The following KMT2C variants were observed in gnomAD, a reference collection of about 807,000 sequenced individuals.
KMT2C encodes the protein lysine methyltransferase 2C.
Under a neutral mutation model 507.9 loss-of-function variants are expected in KMT2C, and 88 were observed. The observed-to-expected ratio is 0.17, with a 90% CI of 0.15 to 0.21. KMT2C has a LOEUF of 0.21. Ranked by LOEUF, KMT2C falls within the 10% of genes least tolerant of loss-of-function variation. The pLI, the probability that KMT2C is intolerant of heterozygous loss-of-function variation, is 1.00. For missense variants in KMT2C, 4,954 were observed against 5,957.8 expected (o/e 0.83, Z 5.55); for synonymous variants, 2,049 against 2,080.8 (o/e 0.98, Z 0.42).
Position 152,288,554 on chromosome 7 carries a change from A to AT in KMT2C, c.850-14688dup, listed in dbSNP as rs1009463664. ...ACAATAAATAAATAAATAAATAAAT[A>AT]TTTTTTTTTTAAAAAAGACATTAAA... On this transcript the variant is annotated intron_variant, in intron 6 of 58. Transcript: ENST00000262189. Among the ~76,000 whole-genome samples the AT allele has an allele frequency of 1.0e-3, 152 of 150,266 alleles. 1 individual carries two copies. The highest frequency in any genetic ancestry group is 7.3e-3 in the South Asian group (35 of 4,778).
At chr7:152,237,593 G>C (rs368967149) in intron 15 of KMT2C, among the ~76,000 whole-genome samples, 1 of 152,268 alleles carries the variant, frequency 6.6e-6, no homozygotes, top group Admixed American at 6.5e-5. Flanking sequence ...CGTCTCCTGG[G>C]TTCCAGCAAT....
At chr7:152,214,516 A>G (rs941863385) in intron 23 of KMT2C, among the ~76,000 whole-genome samples, 3 of 152,186 alleles carry the variant, frequency 2.0e-5, no homozygotes, top group Admixed American at 2.0e-4. Context: ...GCATAATGCA[A>G]AATGAAAAAA....
chr7:152,312,738 TTAAA>T (rs1343250874), intron 4 of KMT2C, among the ~76,000 whole-genome samples: 6 of 152,228 alleles, frequency 3.9e-5, no homozygotes, highest in African/African-American at 1.2e-4. Flanking sequence ...TTTAAGACCA[TTAAA>T]TAAATAAAAA....
intron 1 of KMT2C, among the ~76,000 whole-genome samples, chr7:152,394,728 CT>C (rs1476651002): frequency 6.6e-6 from 1 of 152,170 alleles, no homozygotes; most frequent in Non-Finnish European, 1.5e-5. Flanking sequence ...AGGCAATGAA[CT>C]TTGTTTTGCT....
intron 3 of KMT2C, among the ~76,000 whole-genome samples, chr7:152,320,286 T>C (rs963046503): frequency 1.3e-5 from 2 of 152,218 alleles, no homozygotes; most frequent in Non-Finnish European, 2.9e-5. Context: ...TCTCACTCCG[T>C]TGTCCAGGCT....
chr7:152,328,919 G>A (rs1355652235), intron 3 of KMT2C, among the ~76,000 whole-genome samples: 3 of 152,120 alleles, frequency 2.0e-5, no homozygotes, highest in Non-Finnish European at 2.9e-5. Context: ...TTGGGGCAGA[G>A]GTGGAGGCAG....
chr7:152,399,485 T>C (rs962003672), intron 1 of KMT2C, among the ~76,000 whole-genome samples: 1 of 151,998 alleles, frequency 6.6e-6, no homozygotes, highest in Non-Finnish European at 1.5e-5. Context: ...AGTTGGCACT[T>C]TGGGGTAAAA....
intron 1 of KMT2C, among the ~76,000 whole-genome samples, chr7:152,409,439 C>A (rs1407019500): frequency 6.6e-6 from 1 of 151,510 alleles, no homozygotes; most frequent in South Asian, 2.1e-4. Context: ...TTAAGTGGGC[C>A]AGGTGCAGTG....
At chr7:152,411,458 C>A (rs1045108849) in intron 1 of KMT2C, among the ~76,000 whole-genome samples, 2 of 151,456 alleles carry the variant, frequency 1.3e-5, no homozygotes, top group African/African-American at 4.8e-5. Flanking sequence ...CCCCCCACCC[C>A]CTCAACACAC....
chr7:152,409,206 T>C (rs1488634311), intron 1 of KMT2C, among the ~76,000 whole-genome samples: 6 of 151,950 alleles, frequency 3.9e-5, no homozygotes, highest in Admixed American at 6.6e-5. Flanking sequence ...AGGGTCTCAC[T>C]ATGTTGTCCA....
intron 6 of KMT2C, among the ~76,000 whole-genome samples, chr7:152,282,360 C>T (rs1158883704): frequency 1.3e-5 from 2 of 151,202 alleles, no homozygotes; most frequent in Non-Finnish European, 2.9e-5. Flanking sequence ...CCATAAAATA[C>T]TCTCAGTGTC....
Position 152,395,301 on chromosome 7 carries a change from C to T in KMT2C, c.162-36626G>A, listed in dbSNP as rs1011000056. On this transcript the variant is annotated intron_variant, in intron 1 of 58. Transcript: ENST00000262189. ...TTGGGCTCAAGTAATCCTCCCATCT[C>T]GACTCCTGAGTAGCTGGGACTACAG... 5.3e-5 allele frequency among the ~76,000 whole-genome samples: 8 copies of T among 151,764 alleles called. No homozygotes were observed. The South Asian group carries it at 8.3e-4, about 16-fold the overall frequency.
At chr7:152,393,906 A>AG in intron 1 of KMT2C, among the ~76,000 whole-genome samples, 1 of 151,920 alleles carries the variant, frequency 6.6e-6, no homozygotes, top group Admixed American at 6.6e-5. Flanking sequence ...CTCAAAAAAA[A>AG]AAAAAAAAAA....
At chr7:152,344,995 A>G (rs2097042830) in intron 2 of KMT2C, among the ~76,000 whole-genome samples, 1 of 152,152 alleles carries the variant, frequency 6.6e-6, no homozygotes, top group South Asian at 2.1e-4. Context: ...TCAAAAAATT[A>G]TAATACAATA....
chr7:152,143,100 G>A (rs1346031237), intron 55 of KMT2C, among the ~76,000 whole-genome samples: 1 of 152,168 alleles, frequency 6.6e-6, no homozygotes, highest in Non-Finnish European at 1.5e-5. Context: ...GGGTATAAGA[G>A]TGAATGGACT....
At chr7:152,300,157 T>C (rs1303722818) in intron 6 of KMT2C, among the ~76,000 whole-genome samples, 1 of 152,208 alleles carries the variant, frequency 6.6e-6, no homozygotes, top group Non-Finnish European at 1.5e-5. Context: ...GACAGAAATA[T>C]GTAGCATTTG....
chr7:152,417,048 C>CAAAAAA (rs34690030), intron 1 of KMT2C, among the ~76,000 whole-genome samples: 1 of 67,322 alleles, frequency 1.5e-5, no homozygotes, highest in African/African-American at 4.2e-5. Flanking sequence ...GACATCATCT[C>CAAAAAA]AAAAAAAAAA....
rs117351524 is a variant in KMT2C, at chr7:152,236,535, A to G, written c.2653-602T>C. Among the ~76,000 whole-genome samples, 77 of 152,294 alleles carry G rather than the reference A, an allele frequency of 5.1e-4. No individual in the cohort carries two copies. In the East Asian group the frequency reaches 0.014, roughly 28 times the overall value. ...GGTTGGAAGCATATTCTGTACTGCT[A>G]CATCAGCGTGAAAGTTCATTTTTGC... On this transcript the variant is annotated intron_variant, in intron 15 of 58. Transcript: ENST00000262189.
intron 53 of KMT2C, among the ~76,000 whole-genome samples, chr7:152,145,725 C>A (rs1337827342): frequency 6.6e-6 from 1 of 152,176 alleles, no homozygotes; most frequent in African/African-American, 2.4e-5. Flanking sequence ...GTTAAAAAAT[C>A]ATCTATATGG....
Sources: gnomAD v4.1 joint callset for allele counts (sites outside exome capture counted in the v4.1 genomes callset) on GRCh38, gnomAD v4.1.1 for gene constraint, MANE v1.5 for transcripts, NCBI Gene and HGNC (gene_info 2026-07-23, HGNC 2026-07-21) for gene names.